Variants in FAM171A1 observed in about 807,000 individuals in gnomAD.
The protein encoded by FAM171A1 is family with sequence similarity 171 member A1.
FAM171A1 carries 23 observed loss-of-function variants against 74.9 expected under a neutral mutation model. That is an observed-to-expected ratio of 0.31 (90% CI 0.22 to 0.44). The LOEUF (loss-of-function observed/expected upper bound fraction) is 0.44, where lower values mean the gene tolerates loss of function less well. Among genes scored for constraint, FAM171A1 ranks in the 20% least tolerant of loss-of-function variants. The probability of loss-of-function intolerance (pLI) is 1.00; values close to 1 mark genes in which losing one functional copy is unlikely to be tolerated. For missense variants in FAM171A1, 1,162 were observed against 1,159.2 expected, an observed-to-expected ratio of 1.00 and a Z score of -0.03; for synonymous variants, 527 against 505.7, an observed-to-expected ratio of 1.04 and a Z score of -0.57.
chr10:15,361,494 C>G (rs931166739), intron 1 of FAM171A1, among the ~76,000 whole-genome samples: 2 of 152,050 alleles, frequency 1.3e-5, no homozygotes, highest in Non-Finnish European at 2.9e-5. Context: ...ACCAGCCTGG[C>G]CAACATGGTA....
Position 15,298,473 on chromosome 10 carries a change from T to C in FAM171A1, c.98-14368A>G, listed in dbSNP as rs140984956. On this transcript the variant is annotated intron_variant, in intron 1 of 7. Transcript: ENST00000378116. The stretch of plus-strand genomic sequence containing the variant: ...CTTCTTGATGTAGTATCAGAAATAC[T>C]TAGATGTAGCTTTAAAGGTCTATAT... Among the ~76,000 whole-genome samples the C allele has an allele frequency of 9.1e-4, 138 of 152,368 alleles. 1 individual carries two copies. The East Asian group carries it at 0.018, about 20-fold the overall frequency.
chr10:15,218,596 T>C (rs1423063702), intron 6 of FAM171A1, among the ~76,000 whole-genome samples: 2 of 152,074 alleles, frequency 1.3e-5, no homozygotes, highest in Non-Finnish European at 2.9e-5. Context: ...GTAGTGGGTA[T>C]GCTTTGTGTT....
intron 6 of FAM171A1, among the ~76,000 whole-genome samples, chr10:15,218,112 C>G (rs1833990183): frequency 6.6e-6 from 1 of 152,054 alleles, no homozygotes; most frequent in Admixed American, 6.6e-5. Context: ...TGGAGTCTCA[C>G]TCTATCATTC....
chr10:15,245,912 C>T (rs954264873), intron 5 of FAM171A1, among the ~76,000 whole-genome samples: 2 of 152,230 alleles, frequency 1.3e-5, no homozygotes, highest in African/African-American at 4.8e-5. Flanking sequence ...AACACAAACT[C>T]AAAGCTCTTT....
At chr10:15,287,335 GC>G (rs1404014214) in intron 1 of FAM171A1, among the ~76,000 whole-genome samples, 1 of 150,128 alleles carries the variant, frequency 6.7e-6, no homozygotes, top group Admixed American at 6.7e-5. Flanking sequence ...CACGTGATCT[GC>G]CCACCTCAGC....
intron 1 of FAM171A1, among the ~76,000 whole-genome samples, chr10:15,301,364 T>TATATATATATA: frequency 9.7e-6 from 1 of 102,892 alleles, no homozygotes; most frequent in African/African-American, 3.5e-5. Context: ...ATATATATAT[T>TATATATATATA]TTTTTTTTTT....
intron 3 of FAM171A1, among the ~76,000 whole-genome samples, chr10:15,273,859 A>G (rs1588526631): frequency 6.6e-6 from 1 of 152,220 alleles, no homozygotes; most frequent in South Asian, 2.1e-4. Context: ...AACTCTCAAT[A>G]AACTAGGTAT....
At chr10:15,275,493 C>T (rs559529094) in intron 3 of FAM171A1, among the ~76,000 whole-genome samples, 12 of 151,400 alleles carry the variant, frequency 7.9e-5, no homozygotes, top group African/African-American at 2.7e-4. Context: ...GATGGGGTTT[C>T]ATCATGTTGG....
chr10:15,299,870 T>C (rs535749325), intron 1 of FAM171A1, among the ~76,000 whole-genome samples: 10 of 151,888 alleles, frequency 6.6e-5, no homozygotes, highest in African/African-American at 1.9e-4. Flanking sequence ...CCCAGCTACT[T>C]GGGAGGCTGA....
At chr10:15,357,135 T>C (rs1835941697) in intron 1 of FAM171A1, among the ~76,000 whole-genome samples, 1 of 151,134 alleles carries the variant, frequency 6.6e-6, no homozygotes, top group Non-Finnish European at 1.5e-5. Flanking sequence ...CAAAACATAT[T>C]AGCCAGGCAT....
chr10:15,341,370 T>C (rs1477298273), intron 1 of FAM171A1, among the ~76,000 whole-genome samples: 12 of 152,248 alleles, frequency 7.9e-5, no homozygotes, highest in Non-Finnish European at 1.5e-4. Flanking sequence ...AGCCGCTCTC[T>C]GTCTAAATCA....
At chr10:15,282,756 G>A (rs1834986187) in intron 2 of FAM171A1, among the ~76,000 whole-genome samples, 1 of 152,164 alleles carries the variant, frequency 6.6e-6, no homozygotes, top group African/African-American at 2.4e-5. Flanking sequence ...CTGTCACCCA[G>A]GCTGGAGTGC....
Position 15,214,033 on chromosome 10 carries a change from G to A in FAM171A1, c.1555C>T (p.Leu519=), listed in dbSNP as rs947363709. 1.2e-6 allele frequency: 2 copies of A among 1,614,178 alleles called. No individual in the cohort carries two copies. The highest frequency in any genetic ancestry group is 1.7e-6 in the Non-Finnish European group (2 of 1,180,036). Residue 519 remains leucine, a synonymous_variant, in exon 8 of 8, where the codon CTG becomes TTG. Transcript: ENST00000378116. ...TGSKLTIQEH[L]YPAPSSPEKE... ...TCAGGTGATGAAGGCGCGGGGTACA[G>A]ATGTTCCTGAATGGTGAGTTTGCTT...
chr10:15,322,335 C>T (rs1288593817), intron 1 of FAM171A1, among the ~76,000 whole-genome samples: 1 of 152,154 alleles, frequency 6.6e-6, no homozygotes, highest in East Asian at 1.9e-4. Context: ...AACACTCGAA[C>T]TAGTCTTATT....
chr10:15,327,934 A>C (rs1303806881), intron 1 of FAM171A1, among the ~76,000 whole-genome samples: 1 of 50,008 alleles, frequency 2.0e-5, no homozygotes, highest in Non-Finnish European at 4.4e-5. Context: ...ACCTAAAATA[A>C]AAGTAAAAAA....
intron 1 of FAM171A1, among the ~76,000 whole-genome samples, chr10:15,355,180 G>A (rs1835918841): frequency 6.6e-6 from 1 of 152,160 alleles, no homozygotes; most frequent in Admixed American, 6.5e-5. Context: ...GACCTTCCAG[G>A]CTCAAGCAAT....
At chr10:15,285,757 C>T (rs761480058) in intron 1 of FAM171A1, among the ~76,000 whole-genome samples, 1 of 152,150 alleles carries the variant, frequency 6.6e-6, no homozygotes, top group Non-Finnish European at 1.5e-5. Context: ...TAGCAAAAAG[C>T]GAGGAGGTGG....
At chr10:15,363,686 T>G (rs1162450801) in intron 1 of FAM171A1, among the ~76,000 whole-genome samples, 1 of 152,156 alleles carries the variant, frequency 6.6e-6, no homozygotes, top group African/African-American at 2.4e-5. Context: ...GAGTCCCATA[T>G]GACTCCACCA....
chr10:15,283,627 C>G (rs1051631504), intron 2 of FAM171A1, among the ~76,000 whole-genome samples: 1 of 152,202 alleles, frequency 6.6e-6, no homozygotes, highest in Non-Finnish European at 1.5e-5. Flanking sequence ...TTCTGTTGCC[C>G]AGGCTAGACT....
Sources: gnomAD v4.1 joint callset for allele counts (sites outside exome capture counted in the v4.1 genomes callset) on GRCh38, gnomAD v4.1.1 for gene constraint, MANE v1.5 for transcripts, NCBI Gene and HGNC (gene_info 2026-07-23, HGNC 2026-07-21) for gene names.